DTWD2: variants seen among roughly 807,000 people sequenced by gnomAD.
DTWD2 encodes DTW motif tRNA-uridine aminocarboxypropyltransferase 2.
A neutral mutation model predicts 31.8 loss-of-function variants in DTWD2; 39 were observed. That is an observed-to-expected ratio of 1.22 (90% CI 0.95 to 1.60). The LOEUF (loss-of-function observed/expected upper bound fraction) is 1.60. Ranked by LOEUF, DTWD2 falls within the 40% of genes most tolerant of loss-of-function variation. The pLI, the probability that DTWD2 is intolerant of heterozygous loss-of-function variation, is 0.00. For missense variants in DTWD2, 515 were observed against 381.5 expected (o/e 1.35, Z -2.92); for synonymous variants, 180 against 142.8 (o/e 1.26, Z -1.86).
chr5:118,929,989 T>C (rs1753887936), intron 3 of DTWD2, among the ~76,000 whole-genome samples: 1 of 152,224 alleles, frequency 6.6e-6, no homozygotes, highest in African/African-American at 2.4e-5. Flanking sequence ...TTTGCCATAA[T>C]AACCAGCTTT....
intron 4 of DTWD2, among the ~76,000 whole-genome samples, chr5:118,910,380 A>T (rs181820726): frequency 2.6e-5 from 4 of 152,352 alleles, no homozygotes; most frequent in Admixed American, 2.0e-4. Flanking sequence ...ACTTTATAAC[A>T]ACAATAGCCT....
chr5:118,979,554 T>C (rs1755250398), intron 1 of DTWD2, among the ~76,000 whole-genome samples: 1 of 152,188 alleles, frequency 6.6e-6, no homozygotes, highest in South Asian at 2.1e-4. Flanking sequence ...GATATATGCA[T>C]GCGTATGTTC....
chr5:118,902,178 T>C (rs1038745952), intron 4 of DTWD2, among the ~76,000 whole-genome samples: 2 of 152,156 alleles, frequency 1.3e-5, no homozygotes. Flanking sequence ...GATGAAGTAC[T>C]GAATAGTGGA....
intron 1 of DTWD2, among the ~76,000 whole-genome samples, chr5:118,957,314 C>T (rs542575787): frequency 6.1e-4 from 93 of 152,028 alleles, no homozygotes; most frequent in Admixed American, 1.4e-3. Context: ...CTCCACATCC[C>T]GGGTACAAGC....
At chr5:118,940,557 A>T (rs79427313) in intron 2 of DTWD2, among the ~76,000 whole-genome samples, 2,528 of 152,208 alleles carry the variant, frequency 0.017, 36 homozygotes, top group Non-Finnish European at 0.028. Flanking sequence ...CTATTTCTTG[A>T]TTTATCGATT....
At position 118,865,008 on chromosome 5, in the gene DTWD2, G is replaced by C. The variant is rs72784026; in HGVS notation, c.598-16790C>G. Among the ~76,000 whole-genome samples, 139 of 152,104 alleles carry C rather than the reference G, an allele frequency of 9.1e-4. 1 individual carries two copies. Among genetic ancestry groups the C allele is most frequent in the Non-Finnish European group, 1.6e-3 (106 of 67,960 alleles). ...GTGTTAATGAAAGCAAATACTGTCT[G>C]AAAAATTTAAACACACACACACAAA... On this transcript the variant is annotated intron_variant, in intron 4 of 5. Transcript: ENST00000510708.
intron 3 of DTWD2, among the ~76,000 whole-genome samples, chr5:118,930,454 A>G (rs1459690677): frequency 6.6e-6 from 1 of 152,210 alleles, no homozygotes; most frequent in Non-Finnish European, 1.5e-5. Flanking sequence ...CTTCACAAAA[A>G]AAAATGCTAA....
chr5:118,918,265 G>A (rs1256176366), intron 4 of DTWD2, among the ~76,000 whole-genome samples: 1 of 152,024 alleles, frequency 6.6e-6, no homozygotes, highest in East Asian at 1.9e-4. Flanking sequence ...AATAAAAGAA[G>A]GTAAGAAACA....
At chr5:118,911,456 A>G (rs1753456414) in intron 4 of DTWD2, among the ~76,000 whole-genome samples, 1 of 152,198 alleles carries the variant, frequency 6.6e-6, no homozygotes, top group Non-Finnish European at 1.5e-5. Flanking sequence ...AAGTTCCTCA[A>G]AGAAATAAAT....
chr5:118,847,641 A>T (rs373835794), intron 5 of DTWD2, among the ~76,000 whole-genome samples: 1 of 151,868 alleles, frequency 6.6e-6, no homozygotes, highest in African/African-American at 2.4e-5. Context: ...TCTTTTTTAC[A>T]TTCTAAGCAA....
chr5:118,988,435 G>A lies in DTWD2; in HGVS notation c.77C>T (p.Pro26Leu), dbSNP rs766125675. Residue 26 changes from proline to leucine, a missense_variant, in exon 1 of 6, where the codon CCG becomes CTG. Physicochemically the swap from Pro to Leu is moderately conservative, Grantham distance 98 (BLOSUM62 -3). Transcript: ENST00000510708. ...GCCCTCCCGCCGCTCCTTGTCGTTC[G>A]GCGTCTGAGAGCTTGAGGCCCCAGA... is the stretch of plus-strand genomic sequence containing the variant. ...RPSGASSSQT[P>L]NDKERREGGA... 2.5e-6 allele frequency: 4 copies of A among 1,607,108 alleles called. No individual in the cohort carries two copies. The South Asian group carries it at 3.3e-5, about 13-fold the overall frequency.
intron 4 of DTWD2, among the ~76,000 whole-genome samples, chr5:118,877,697 G>A (rs1752652851): frequency 2.0e-5 from 3 of 152,024 alleles, no homozygotes; most frequent in Admixed American, 2.0e-4. Context: ...GGACAATCGA[G>A]CAAGAGAAAG....
At chr5:118,916,376 G>C (rs1421116915) in intron 4 of DTWD2, among the ~76,000 whole-genome samples, 1 of 152,094 alleles carries the variant, frequency 6.6e-6, no homozygotes, top group African/African-American at 2.4e-5. Flanking sequence ...TCTATTAAAA[G>C]ACATTAAGGC....
chr5:118,871,507 C>T (rs114144788), intron 4 of DTWD2, among the ~76,000 whole-genome samples: 205 of 152,318 alleles, frequency 1.3e-3, no homozygotes, highest in African/African-American at 4.8e-3. Context: ...CCTTGATCCA[C>T]GGCTGCAGAA....
chr5:118,877,455 G>A (rs1752646064), intron 4 of DTWD2, among the ~76,000 whole-genome samples: 1 of 151,902 alleles, frequency 6.6e-6, no homozygotes, highest in South Asian at 2.1e-4. Flanking sequence ...CCGGGTGACA[G>A]AGCAAGACTC....
chr5:118,934,272 TAAAAAAAA>T (rs397999089), intron 3 of DTWD2, among the ~76,000 whole-genome samples: 8 of 23,556 alleles, frequency 3.4e-4, no homozygotes, highest in African/African-American at 5.0e-4. Flanking sequence ...TTGTCTCCAT[TAAAAAAAA>T]AAAAAAAAAA....
intron 4 of DTWD2, among the ~76,000 whole-genome samples, chr5:118,915,974 G>C (rs1224891088): frequency 6.6e-6 from 1 of 152,206 alleles, no homozygotes; most frequent in Non-Finnish European, 1.5e-5. Flanking sequence ...AGATAAAGAA[G>C]TTGGATAAAC....
chr5:118,880,864 C>T lies in DTWD2; in HGVS notation c.598-32646G>A, dbSNP rs111528803. On this transcript the variant is annotated intron_variant, in intron 4 of 5. Transcript: ENST00000510708. ...GTATTTTGTTTGGGGGTTTCTTTAA[C>T]AATTAAAACAAATACATTTCTCAAT... Among the ~76,000 whole-genome samples, 765 of 152,154 alleles carry T rather than the reference C, an allele frequency of 5.0e-3. 7 individuals are homozygous for T. The highest frequency in any genetic ancestry group is 0.018 in the African/African-American group (745 of 41,530).
At chr5:118,949,253 C>T (rs1488743831) in intron 1 of DTWD2, among the ~76,000 whole-genome samples, 1 of 152,094 alleles carries the variant, frequency 6.6e-6, no homozygotes, top group East Asian at 1.9e-4. Context: ...GGGGGCTGTT[C>T]CTGAAGCCTT....
Sources: allele counts gnomAD v4.1 joint callset (sites outside exome capture counted in the v4.1 genomes callset), GRCh38; gene constraint gnomAD v4.1.1; transcripts MANE v1.5; gene names NCBI Gene and HGNC (gene_info 2026-07-23, HGNC 2026-07-21).